TMPRSS4: variants seen among roughly 807,000 people sequenced by gnomAD.
The protein encoded by TMPRSS4 is transmembrane protease serine 4.
A neutral mutation model predicts 56.4 loss-of-function variants in TMPRSS4; 45 were observed. The ratio of observed to expected loss-of-function variants is 0.80; its 90% CI spans 0.63 to 1.02. The LOEUF is 1.02. Among genes scored for constraint, TMPRSS4 ranks in the 50% least tolerant of loss-of-function variants. The pLI, the probability that TMPRSS4 is intolerant of heterozygous loss-of-function variation, is 0.00. For synonymous variants in TMPRSS4, 205 were observed against 211.0 expected (o/e 0.97, Z 0.25); for missense variants, 546 against 556.7 (o/e 0.98, Z 0.19).
intron 6 of TMPRSS4, 97 bp from the exon 7 acceptor site, chr11:118,108,759 G>T: frequency 8.2e-7 from 1 of 1,226,946 alleles, no homozygotes; most frequent in Non-Finnish European, 1.2e-6. Context: ...CCGAGGTATT[G>T]GGAGGGGACT....
intron 1 of TMPRSS4, among the ~76,000 whole-genome samples, chr11:118,088,998 G>T (rs1201387815): frequency 5.3e-5 from 8 of 152,072 alleles, no homozygotes; most frequent in African/African-American, 9.7e-5. Context: ...ATTTTACCTG[G>T]TACCCACATC....
intron 3 of TMPRSS4, among the ~76,000 whole-genome samples, chr11:118,101,261 G>C (rs1946713471): frequency 6.6e-6 from 1 of 152,112 alleles, no homozygotes; most frequent in South Asian, 2.1e-4. Context: ...CTGTTGTCAG[G>C]ATTACGTGAG....
Position 118,077,140 on chromosome 11 carries a change from G to C in TMPRSS4, c.-163G>C, listed in dbSNP as rs1944720311. The C allele has an allele frequency of 4.2e-6, 3 of 717,500 alleles. No individual in the cohort carries two copies. The highest frequency in any genetic ancestry group is 6.3e-5 in the Admixed American group (2 of 31,780). 44.4% of individuals were successfully genotyped at this position (717,500 alleles called of 1,614,324 possible). ...AGCGGACAAGGATGCTGGGCGTGAGGGACCAAGGCCTGCCCTGCACTCGGG... is the reference window on the plus strand; with the variant it reads ...AGCGGACAAGGATGCTGGGCGTGAGCGACCAAGGCCTGCCCTGCACTCGGG... On this transcript the variant is annotated 5_prime_UTR_variant, in exon 1 of 13. Transcript: ENST00000437212.
chr11:118,117,717 A>T, intron 12 of TMPRSS4, 185 bp from the exon 13 acceptor site: 4 of 985,454 alleles, frequency 4.1e-6, no homozygotes, highest in Non-Finnish European at 4.8e-6. Context: ...AGACTATCAG[A>T]TCCTTTCTAG....
chr11:118,093,284 G>A (rs1946080335), intron 1 of TMPRSS4, among the ~76,000 whole-genome samples: 1 of 152,220 alleles, frequency 6.6e-6, no homozygotes, highest in Non-Finnish European at 1.5e-5. Flanking sequence ...GGGATTAAAA[G>A]AGGCCCTCTC....
intron 1 of TMPRSS4, among the ~76,000 whole-genome samples, chr11:118,090,756 C>T (rs1038495631): frequency 7.9e-5 from 12 of 151,670 alleles, no homozygotes; most frequent in South Asian, 2.1e-4. Flanking sequence ...TCAGCCTGGG[C>T]GACAGAATGA....
At chr11:118,097,020 GAAAGAAAGAAAGAAAAGGAAA>G (rs1565423711) in intron 2 of TMPRSS4, among the ~76,000 whole-genome samples, 15 of 42,136 alleles carry the variant, frequency 3.6e-4, no homozygotes, top group African/African-American at 1.3e-3. Flanking sequence ...AAGAAAGAAA[GAAAGAAAGAAAGAAAAGGAAA>G]GAAAGGAAAG....
rs114163447 is a variant in TMPRSS4 at position 118,081,899 on chromosome 11, A to C, written c.3+4594A>C. ...CATAGATGGAACAGGAGCAGGGGAG[A>C]CTGCTTTCCCACACTCCAGACAAAG... On this transcript the variant is annotated intron_variant, in intron 1 of 12. Coordinates refer to ENST00000437212, the MANE Select transcript of TMPRSS4 (RefSeq NM_019894.4). Among the ~76,000 whole-genome samples the C allele has an allele frequency of 5.6e-3, 858 of 152,208 alleles. 10 individuals are homozygous for C. The highest frequency in any genetic ancestry group is 0.019 in the African/African-American group (808 of 41,524).
At chr11:118,099,513 C>A (rs1042291359) in intron 3 of TMPRSS4, among the ~76,000 whole-genome samples, 1 of 135,154 alleles carries the variant, frequency 7.4e-6, no homozygotes, top group Admixed American at 7.4e-5. Context: ...CATGTATCCA[C>A]CCCCTGCTTT....
chr11:118,098,759 C>T (rs981569199), intron 2 of TMPRSS4, among the ~76,000 whole-genome samples: 6 of 152,092 alleles, frequency 3.9e-5, no homozygotes, highest in Non-Finnish European at 5.9e-5. Flanking sequence ...CTCCTTTGAG[C>T]GGCACTCAGG....
intron 7 of TMPRSS4, 38 bp downstream of exon 7, chr11:118,108,934 C>G: frequency 6.2e-7 from 1 of 1,607,342 alleles, no homozygotes; most frequent in Non-Finnish European, 8.5e-7. Flanking sequence ...GGGGCCTGGG[C>G]CAGCAATGAG....
intron 1 of TMPRSS4, among the ~76,000 whole-genome samples, chr11:118,092,901 C>G (rs1946058162): frequency 6.6e-6 from 1 of 152,224 alleles, no homozygotes; most frequent in Non-Finnish European, 1.5e-5. Flanking sequence ...CAGCATTTCC[C>G]ACCAGACAAC....
Position 118,118,304 on chromosome 11 carries a change from C to T in TMPRSS4, c.*391C>T, listed in dbSNP as rs1947671545. On this transcript the variant is annotated 3_prime_UTR_variant, in exon 13 of 13. Coordinates refer to ENST00000437212, the MANE Select transcript of TMPRSS4 (RefSeq NM_019894.4). ...GGAAAGGGTCTGCGCCAGCCCTGTC[C>T]GTCTTCACCCATCCCCAAGCCTACT... 7 of 1,088,408 alleles carry T rather than the reference C, an allele frequency of 6.4e-6. No individual in the cohort carries two copies. The highest frequency in any genetic ancestry group is 3.8e-5 in the South Asian group (1 of 26,374). The allele number at this position is 1,088,408 out of a possible 1,614,324, so 67.4% of individuals were successfully genotyped here.
chr11:118,114,679 A>G (rs1199381231), intron 9 of TMPRSS4, 150 bp from the exon 10 acceptor site: 2 of 842,184 alleles, frequency 2.4e-6, no homozygotes, highest in Non-Finnish European at 3.7e-6. Context: ...AGGCGTGCCC[A>G]AAGCCAAGTT....
At chr11:118,078,512 G>A (rs1224960506) in intron 1 of TMPRSS4, among the ~76,000 whole-genome samples, 2 of 152,184 alleles carry the variant, frequency 1.3e-5, no homozygotes, top group African/African-American at 2.4e-5. Flanking sequence ...AGGGGAAGGG[G>A]CTTCCCTTTG....
At chr11:118,124,828 C>T (rs1203727248), downstream of TMPRSS4, among the ~76,000 whole-genome samples, 2 of 152,232 alleles carry the variant, frequency 1.3e-5, no homozygotes, top group Non-Finnish European at 2.9e-5. Context: ...GTAATATCAA[C>T]AAATTTCAAA....
chr11:118,078,597 C>T lies in TMPRSS4; in HGVS notation c.3+1292C>T, dbSNP rs1029944510. Among the ~76,000 whole-genome samples, 5 of 152,286 alleles carry T rather than the reference C, an allele frequency of 3.3e-5. No individual in the cohort carries two copies. In the South Asian group the frequency reaches 6.2e-4, roughly 19 times the overall value. On this transcript the variant is annotated intron_variant, in intron 1 of 12. Transcript: ENST00000437212. The stretch of plus-strand genomic sequence containing the variant: ...CCAAAGTTTGGCCTGTGTGCAGAGA[C>T]GCTGTATCCCCTGGGGCTCCCAGGA...
In TMPRSS4 at chr11:118,104,822, T is replaced by C; in HGVS notation, c.440+2T>C. On this transcript the variant is annotated splice_donor_variant, in intron 5 of 12. Transcript: ENST00000437212. LOFTEE classifies it high-confidence loss of function. ...CTGTAGGCAGATGGGCTACAGCAGG[T>C]AACCAACCTGGGCCTCTCTCCTTTT... 1 of 1,587,806 alleles carries C rather than the reference T, an allele frequency of 6.3e-7. No individual in the cohort carries two copies. The highest frequency in any genetic ancestry group is 8.6e-7 in the Non-Finnish European group (1 of 1,166,080).
chr11:118,119,269 G>A lies in TMPRSS4; in HGVS notation c.*1356G>A. The A allele has an allele frequency of 1.0e-6, 1 of 985,352 alleles. No individual in the cohort carries two copies. The highest frequency in any genetic ancestry group is 1.2e-6 in the Non-Finnish European group (1 of 829,916). The allele number at this position is 985,352 out of a possible 1,614,324, so 61.0% of individuals were successfully genotyped here. A position where few individuals can be genotyped will look rare whatever the true frequency, so the allele number is the denominator to read the frequency against. On this transcript the variant is annotated 3_prime_UTR_variant, in exon 13 of 13. Coordinates refer to ENST00000437212, the MANE Select transcript of TMPRSS4 (RefSeq NM_019894.4). ...GAAGGCTGGCAGTGGAGCTAAACCT[G>A]GACACACTGAAGACAAGGGAGCTGA...
Sources: allele counts gnomAD v4.1 joint callset (sites outside exome capture counted in the v4.1 genomes callset), GRCh38; gene constraint gnomAD v4.1.1; transcripts MANE v1.5; gene names NCBI Gene and HGNC (gene_info 2026-07-23, HGNC 2026-07-21).